The following FREM2 variants were observed in gnomAD, a reference collection of about 807,000 sequenced individuals.
FREM2 encodes FRAS1 related extracellular matrix 2.
In FREM2, 119 loss-of-function variants were observed where a neutral mutation model predicts 219.9. That is an observed-to-expected ratio of 0.54 (90% CI 0.47 to 0.63). The LOEUF (loss-of-function observed/expected upper bound fraction) is 0.63. FREM2 is among the 30% of genes least tolerant of loss of function. The pLI is 0.00. For missense variants in FREM2, 4,030 were observed against 3,993.6 expected (o/e 1.01, Z -0.25); for synonymous variants, 1,562 against 1,522.8 (o/e 1.03, Z -0.60).
At chr13:38,755,191 A>G (rs2442348) in intron 2 of FREM2, among the ~76,000 whole-genome samples, 139,574 of 151,984 alleles carry the variant, frequency 0.92, 65,314 homozygotes, top group East Asian at 1. Flanking sequence ...ATGAGCCACC[A>G]TGCCCGGCCA....
chr13:38,822,618 A>G (rs1467559933), intron 6 of FREM2, among the ~76,000 whole-genome samples: 1 of 152,102 alleles, frequency 6.6e-6, no homozygotes, highest in Admixed American at 6.6e-5. Context: ...GTACAGTTTT[A>G]TAAGTCTTTC....
intron 16 of FREM2, 90 bp from the exon 17 acceptor site, chr13:38,872,652 G>A: frequency 2.8e-6 from 3 of 1,065,272 alleles, no homozygotes; most frequent in Non-Finnish European, 4.3e-6. Context: ...AAAATCTTCA[G>A]TTAAGCGAAA....
chr13:38,781,736 A>T (rs1874125746), intron 4 of FREM2, among the ~76,000 whole-genome samples: 1 of 152,224 alleles, frequency 6.6e-6, no homozygotes, highest in South Asian at 2.1e-4. Context: ...GAATTGAATC[A>T]CGTGACTATT....
chr13:38,810,960 A>G (rs528542649), intron 6 of FREM2, among the ~76,000 whole-genome samples: 291 of 151,964 alleles, frequency 1.9e-3, no homozygotes, highest in Middle Eastern at 3.4e-3. Flanking sequence ...TTACTGGAAA[A>G]CTTTTTATTA....
chr13:38,878,386 A>G, intron 22 of FREM2, 65 bp downstream of exon 22: 1 of 1,228,054 alleles, frequency 8.1e-7, no homozygotes, highest in East Asian at 2.5e-5. Context: ...CTTGTCTTAT[A>G]TTTAAAAACA....
At chr13:38,755,897 C>T (rs140249712) in intron 2 of FREM2, among the ~76,000 whole-genome samples, 2 of 152,290 alleles carry the variant, frequency 1.3e-5, no homozygotes, top group East Asian at 1.9e-4. Flanking sequence ...TCTTTGTATA[C>T]CCTCAAATTA....
chr13:38,724,425 T>A (rs1229512336), intron 2 of FREM2, among the ~76,000 whole-genome samples: 1 of 152,172 alleles, frequency 6.6e-6, no homozygotes, highest in Non-Finnish European at 1.5e-5. Context: ...ACACCAGGGA[T>A]GTGGTATTAG....
intron 2 of FREM2, among the ~76,000 whole-genome samples, chr13:38,700,397 TC>T (rs1399073669): frequency 1.3e-5 from 2 of 152,206 alleles, no homozygotes; most frequent in East Asian, 3.9e-4. Context: ...GAGAGCACTA[TC>T]TGAGCAACAG....
chr13:38,871,387 T>G (rs1175317131), intron 16 of FREM2, among the ~76,000 whole-genome samples: 1 of 152,230 alleles, frequency 6.6e-6, no homozygotes, highest in African/African-American at 2.4e-5. Flanking sequence ...ACAGCCTGAC[T>G]CAAACTTCTA....
intron 6 of FREM2, among the ~76,000 whole-genome samples, chr13:38,828,037 C>G (rs1430997522): frequency 6.6e-6 from 1 of 152,134 alleles, no homozygotes; most frequent in East Asian, 1.9e-4. Flanking sequence ...GAAGCCACAC[C>G]TCTCCCTTGA....
chr13:38,799,353 A>G (rs1874920944), intron 6 of FREM2, among the ~76,000 whole-genome samples: 1 of 152,042 alleles, frequency 6.6e-6, no homozygotes, highest in Non-Finnish European at 1.5e-5. Flanking sequence ...CTTTTAAAAA[A>G]TTTGTTGAGG....
chr13:38,802,733 C>A lies in FREM2; in HGVS notation c.6019+17925C>A, dbSNP rs1051061447. The stretch of plus-strand genomic sequence containing the variant: ...GCTGTAGCTGCTGAAGGCTCAGAAG[C>A]CTGTGGTACTCAGCGTAAGTTTCCT... On this transcript the variant is annotated intron_variant, in intron 6 of 23. Coordinates refer to ENST00000280481, the MANE Select transcript of FREM2 (RefSeq NM_207361.6). Among the ~76,000 whole-genome samples, 9 of 152,306 alleles carry A rather than the reference C, an allele frequency of 5.9e-5. No individual in the cohort carries two copies. In the Middle Eastern group the frequency reaches 0.01, roughly 173 times the overall value.
intron 2 of FREM2, among the ~76,000 whole-genome samples, chr13:38,757,577 G>C (rs1350565431): frequency 1.3e-5 from 2 of 151,596 alleles, no homozygotes; most frequent in Admixed American, 6.6e-5. Context: ...CTGGGTCTTT[G>C]TCATGCCACT....
At position 38,690,559 on chromosome 13, in the gene FREM2, G is replaced by T; in HGVS notation, c.3215G>T (p.Gly1072Val). ...AGCCAGGCCCCAGAAATCTTTGTAG[G>T]TGAACAGTTGATAGTAATGGAAGGT... ...VDSQAPEIFV[G>V]EQLIVMEGDK... Residue 1072 changes from glycine to valine, a missense_variant, in exon 1 of 24, where the codon GGT becomes GTT. Around this residue, in one of 2 missense-constraint regions of FREM2, gnomAD observed 3,102 missense variants for 2,950.7 expected, o/e 1.05. Coordinates refer to ENST00000280481, the MANE Select transcript of FREM2 (RefSeq NM_207361.6). The T allele has an allele frequency of 6.2e-7, 1 of 1,614,160 alleles. No homozygotes were observed. The highest frequency in any genetic ancestry group is 8.5e-7 in the Non-Finnish European group (1 of 1,180,044).
intron 2 of FREM2, among the ~76,000 whole-genome samples, chr13:38,712,241 G>A (rs1177765993): frequency 6.6e-6 from 1 of 152,120 alleles, no homozygotes; most frequent in African/African-American, 2.4e-5. Context: ...CAAAGCATGT[G>A]GTGTATGCAC....
At chr13:38,735,827 C>T (rs1399059538) in intron 2 of FREM2, among the ~76,000 whole-genome samples, 1 of 152,152 alleles carries the variant, frequency 6.6e-6, no homozygotes, top group African/African-American at 2.4e-5. Context: ...GTTTCCTCTG[C>T]CTCCCTATCT....
Position 38,692,309 on chromosome 13 carries a change from C to G in FREM2, c.4965C>G (p.Val1655=). The change falls in exon 1 of 24, where the codon GTC becomes GTG. Residue 1655 remains valine (V), a synonymous_variant. Coordinates refer to ENST00000280481, the MANE Select transcript of FREM2 (RefSeq NM_207361.6). The stretch of plus-strand genomic sequence containing the variant: ...AGGTCTTGGCTGTTGACAACAGTGT[C>G]CCCCAAATCGCAGTGAATAAGGGGG... The part of the protein sequence containing the change: ...KIQVLAVDNS[V]PQIAVNKGAS... The G allele has an allele frequency of 6.2e-7, 1 of 1,609,608 alleles. No individual in the cohort carries two copies. The highest frequency in any genetic ancestry group is 8.5e-7 in the Non-Finnish European group (1 of 1,177,526).
Position 38,690,958 on chromosome 13 carries a change from G to A in FREM2, c.3614G>A (p.Ser1205Asn), listed in dbSNP as rs149074786. 1.9e-5 allele frequency: 31 copies of A among 1,614,082 alleles called. No individual in the cohort carries two copies. In the African/African-American group the frequency reaches 3.7e-4, roughly 19 times the overall value. Residue 1205 changes from serine to asparagine, a missense_variant, in exon 1 of 24, where the codon AGT becomes AAT. Ser to Asn is a conservative substitution (Grantham distance 46). Coordinates refer to ENST00000280481, the MANE Select transcript of FREM2 (RefSeq NM_207361.6). ...MREFMVMEGM[S>N]LVIDTPILNA... ...GAATTTATGGTGATGGAAGGCATGA[G>A]TCTGGTAATTGATACACCCATTCTC...
intron 16 of FREM2, among the ~76,000 whole-genome samples, chr13:38,867,487 CTT>C (rs1878010769): frequency 6.6e-6 from 1 of 152,122 alleles, no homozygotes; most frequent in Non-Finnish European, 1.5e-5. Flanking sequence ...TGAAGTGAAA[CTT>C]AGAGATGTTG....
Sources: allele counts gnomAD v4.1 joint callset (sites outside exome capture counted in the v4.1 genomes callset), GRCh38; gene constraint gnomAD v4.1.1; regional missense constraint gnomAD v4.1.1; transcripts MANE v1.5; gene names NCBI Gene and HGNC (gene_info 2026-07-23, HGNC 2026-07-21).